ZNF536: variants seen among roughly 807,000 people sequenced by gnomAD.
ZNF536 encodes zinc finger protein 536.
ZNF536 carries 13 observed loss-of-function variants against 84.5 expected under a neutral mutation model. That is an observed-to-expected ratio of 0.15 (90% CI 0.10 to 0.24). ZNF536 has a LOEUF of 0.24. Ranked by LOEUF, ZNF536 falls within the 10% of genes least tolerant of loss-of-function variation. The pLI is 1.00. For synonymous variants in ZNF536, 811 were observed against 742.5 expected (o/e 1.09, Z -1.50); for missense variants, 1,536 against 1,747.5 (o/e 0.88, Z 2.16).
chr19:30,366,760 G>A (rs1266980671), intron 3 of ZNF536, among the ~76,000 whole-genome samples: 1 of 152,172 alleles, frequency 6.6e-6, no homozygotes, highest in African/African-American at 2.4e-5. Flanking sequence ...CTGCCCTCTT[G>A]TAGCTGACAT....
At chr19:30,479,173 C>T (rs1424859190) in intron 2 of ZNF536, among the ~76,000 whole-genome samples, 2 of 152,172 alleles carry the variant, frequency 1.3e-5, no homozygotes, top group African/African-American at 2.4e-5. Flanking sequence ...CTCTCTCATC[C>T]GGAGCTCAAT....
chr19:30,499,242 A>G (rs1322142648), intron 2 of ZNF536, among the ~76,000 whole-genome samples: 1 of 149,142 alleles, frequency 6.7e-6, no homozygotes, highest in Non-Finnish European at 1.5e-5. Context: ...TTGAGGGCCT[A>G]TCTGTTCAGA....
intron 1 of ZNF536, among the ~76,000 whole-genome samples, chr19:30,699,968 CCTTT>C (rs1001576971): frequency 6.8e-6 from 1 of 147,034 alleles, no homozygotes; most frequent in South Asian, 2.1e-4. Context: ...TTCCTCCTTT[CCTTT>C]CTCTCTTCTT....
At chr19:30,252,322 A>G (rs1241105113) in intron 1 of ZNF536, among the ~76,000 whole-genome samples, 2 of 152,196 alleles carry the variant, frequency 1.3e-5, no homozygotes, top group African/African-American at 4.8e-5. Flanking sequence ...CTCCATAGGG[A>G]ATACTCCCTG....
chr19:30,360,688 G>A (rs1049737754), intron 3 of ZNF536, among the ~76,000 whole-genome samples: 6 of 152,200 alleles, frequency 3.9e-5, no homozygotes, highest in African/African-American at 1.4e-4. Context: ...ATGGGGACTC[G>A]GGGTCCGACT....
chr19:30,263,430 C>T (rs1215236426), intron 1 of ZNF536, among the ~76,000 whole-genome samples: 1 of 152,100 alleles, frequency 6.6e-6, no homozygotes, highest in Non-Finnish European at 1.5e-5. Context: ...GACCATCCCC[C>T]CGACCAGCTC....
At chr19:30,254,850 T>G (rs1478720115) in intron 1 of ZNF536, among the ~76,000 whole-genome samples, 1 of 152,222 alleles carries the variant, frequency 6.6e-6, no homozygotes, top group Admixed American at 6.5e-5. Flanking sequence ...GCCTGAACCT[T>G]AAATGTTCTG....
intron 2 of ZNF536, among the ~76,000 whole-genome samples, chr19:30,320,159 T>C (rs1023353803): frequency 5.3e-5 from 8 of 152,306 alleles, no homozygotes; most frequent in Admixed American, 2.6e-4. Context: ...AGAAGCTGAC[T>C]TGAAGAAAAA....
chr19:30,412,061 A>G (rs1246817081), intron 1 of ZNF536, among the ~76,000 whole-genome samples: 4 of 151,890 alleles, frequency 2.6e-5, no homozygotes, highest in South Asian at 2.1e-4. Flanking sequence ...TATACAGGAA[A>G]GTGATCATTT....
At chr19:30,691,793 G>T (rs903704248) in intron 1 of ZNF536, among the ~76,000 whole-genome samples, 1 of 152,202 alleles carries the variant, frequency 6.6e-6, no homozygotes, top group Non-Finnish European at 1.5e-5. Context: ...CTGCAGTTAC[G>T]AGGCAGATGT....
chr19:30,569,150 G>A (rs1298570154), intron 1 of ZNF536, among the ~76,000 whole-genome samples: 5 of 152,290 alleles, frequency 3.3e-5, no homozygotes, highest in African/African-American at 1.2e-4. Flanking sequence ...TAAGCCTAGT[G>A]TGCAATTGTT....
rs2148151347 is a variant in ZNF536, at chr19:30,443,742, C to G, written c.180C>G (p.Pro60=). ...LHPRPNPEEK[P]PASLEEKAHV... The stretch of plus-strand genomic sequence containing the variant: ...CCCGGCCCAACCCCGAGGAGAAGCC[C>G]CCCGCATCCCTGGAGGAGAAGGCCC... Residue 60 remains proline (P), a synonymous_variant, in exon 2 of 5, where the codon CCC becomes CCG. Coordinates refer to ENST00000355537, the MANE Select transcript of ZNF536 (RefSeq NM_014717.3). 2 of 1,613,028 alleles carry G rather than the reference C, an allele frequency of 1.2e-6. No homozygotes were observed. Among genetic ancestry groups the G allele is most frequent in the Non-Finnish European group, 1.7e-6 (2 of 1,179,664 alleles).
At chr19:30,437,719 A>G (rs2051817974) in intron 1 of ZNF536, among the ~76,000 whole-genome samples, 1 of 152,116 alleles carries the variant, frequency 6.6e-6, no homozygotes, top group Non-Finnish European at 1.5e-5. Flanking sequence ...GAATGTTGCC[A>G]TGTTTCTACA....
intron 1 of ZNF536, among the ~76,000 whole-genome samples, chr19:30,570,552 A>G (rs2046509149): frequency 6.6e-6 from 1 of 152,200 alleles, no homozygotes; most frequent in Admixed American, 6.5e-5. Context: ...AAAATGAATT[A>G]ATTGTAATAA....
intron 1 of ZNF536, among the ~76,000 whole-genome samples, chr19:30,663,799 A>G (rs2050206989): frequency 6.6e-6 from 1 of 152,244 alleles, no homozygotes. Flanking sequence ...CTATATGTCC[A>G]TGATCGTGGA....
At chr19:30,236,790 G>A (rs976576330) in intron 1 of ZNF536, among the ~76,000 whole-genome samples, 8 of 152,170 alleles carry the variant, frequency 5.3e-5, no homozygotes, top group Admixed American at 1.3e-4. Context: ...GGGATGTAAC[G>A]GATGGTGATA....
intron 1 of ZNF536, among the ~76,000 whole-genome samples, chr19:30,427,124 T>C (rs1489798852): frequency 6.6e-6 from 1 of 152,236 alleles, no homozygotes; most frequent in Non-Finnish European, 1.5e-5. Flanking sequence ...CCATCTGGCC[T>C]CTGTTTACCT....
At chr19:30,686,050 C>A (rs1161730144) in intron 1 of ZNF536, among the ~76,000 whole-genome samples, 3 of 152,180 alleles carry the variant, frequency 2.0e-5, no homozygotes, top group Non-Finnish European at 2.9e-5. Flanking sequence ...ATGTCTGAAT[C>A]CCTGTGCCCA....
chr19:30,519,156 G>A (rs1044888954), intron 2 of ZNF536, among the ~76,000 whole-genome samples: 4 of 152,202 alleles, frequency 2.6e-5, no homozygotes, highest in Non-Finnish European at 4.4e-5. Flanking sequence ...CAACACCTGC[G>A]CAGCCTATCG....
Sources: gnomAD v4.1 joint callset for allele counts (sites outside exome capture counted in the v4.1 genomes callset) on GRCh38, gnomAD v4.1.1 for gene constraint, MANE v1.5 for transcripts, NCBI Gene and HGNC (gene_info 2026-07-23, HGNC 2026-07-21) for gene names.